The following CXXC4 variants were observed in gnomAD, a reference collection of about 807,000 sequenced individuals.
The protein encoded by CXXC4 is CXXC-type zinc finger protein 4.
A neutral mutation model predicts 20.5 loss-of-function variants in CXXC4; 5 were observed. The ratio of observed to expected loss-of-function variants is 0.24; its 90% CI spans 0.13 to 0.51. The LOEUF (loss-of-function observed/expected upper bound fraction) is 0.51. Ranked by LOEUF, CXXC4 falls within the 20% of genes least tolerant of loss-of-function variation. The pLI is 0.97. For synonymous variants in CXXC4, 250 were observed against 216.4 expected (o/e 1.16, Z -1.36); for missense variants, 419 against 496.4 (o/e 0.84, Z 1.48).
chr4:104,477,011 AGT>A (rs1231437393), intron 2 of CXXC4, among the ~76,000 whole-genome samples: 3 of 152,146 alleles, frequency 2.0e-5, no homozygotes, highest in Non-Finnish European at 4.4e-5. Flanking sequence ...TCCCACTGTA[AGT>A]TTCTTAGACT....
At chr4:104,488,448 A>C (rs1736750301) in intron 2 of CXXC4, among the ~76,000 whole-genome samples, 1 of 152,138 alleles carries the variant, frequency 6.6e-6, no homozygotes, top group Admixed American at 6.5e-5. Flanking sequence ...TCTAGATAGG[A>C]TCTTATACAA....
intron 2 of CXXC4, among the ~76,000 whole-genome samples, chr4:104,478,339 G>C (rs1736469060): frequency 6.6e-6 from 1 of 152,070 alleles, no homozygotes; most frequent in African/African-American, 2.4e-5. Flanking sequence ...ATGTTGTAAA[G>C]GCACTAAGTC....
At position 104,469,775 on chromosome 4, in the gene CXXC4, A is replaced by T. The variant is rs1736215646; in HGVS notation, c.*2547T>A. 1 of 152,036 alleles carries T rather than the reference A, an allele frequency of 6.6e-6. No individual in the cohort carries two copies. The highest frequency in any genetic ancestry group is 2.4e-5 in the African/African-American group (1 of 41,436). 9.4% of individuals were successfully genotyped at this position (152,036 alleles called of 1,614,324 possible). ...GGTATAAAAGAACAATATCAAGAATAAAAAACATAAGAGAATTAATGAAAA... is the reference window on the plus strand; with the variant it reads ...GGTATAAAAGAACAATATCAAGAATTAAAAACATAAGAGAATTAATGAAAA... On this transcript the variant is annotated 3_prime_UTR_variant, in exon 3 of 3. Transcript: ENST00000394767.
At chr4:104,492,220 C>T (rs1235236894) in intron 1 of CXXC4, among the ~76,000 whole-genome samples, 161 bp from the exon 2 acceptor site, 1 of 133,592 alleles carries the variant, frequency 7.5e-6, no homozygotes, top group Non-Finnish European at 1.6e-5. Flanking sequence ...AGCCCATCCC[C>T]CCCAACTCTC....
chr4:104,480,417 T>C (rs1292006880), intron 2 of CXXC4, among the ~76,000 whole-genome samples: 1 of 152,192 alleles, frequency 6.6e-6, no homozygotes, highest in Non-Finnish European at 1.5e-5. Flanking sequence ...TGACATTTTG[T>C]ACCATCAGTT....
At chr4:104,473,525 C>T (rs771608066) in intron 2 of CXXC4, among the ~76,000 whole-genome samples, 3 of 151,768 alleles carry the variant, frequency 2.0e-5, no homozygotes, top group Non-Finnish European at 4.4e-5. Flanking sequence ...AAAATGTATT[C>T]TAATGATATA....
At position 104,491,422 on chromosome 4, in the gene CXXC4, CCCGCCTCCGCCGCCG is replaced by C. The variant is rs1358111429; in HGVS notation, c.366_380del (p.Gly130_Gly134del). On this transcript the variant is annotated inframe_deletion, in exon 2 of 3. Coordinates refer to ENST00000394767, the MANE Select transcript of CXXC4 (RefSeq NM_025212.4). ...TCCTGCCGCCCCCACCACCCCCGCC[CCCGCCTCCGCCGCCG>C]CCGCCGCCGCCGCCACCCCCCCCGC... 2.0e-6 allele frequency: 2 copies of C among 982,246 alleles called. No homozygotes were observed. The highest frequency in any genetic ancestry group is 2.6e-6 in the Non-Finnish European group (2 of 776,314). 60.8% of individuals were successfully genotyped at this position (982,246 alleles called of 1,614,324 possible).
rs1251304476 is a variant in CXXC4 at position 104,470,798 on chromosome 4, T to G, written c.*1524A>C. 1 of 152,040 alleles carries G rather than the reference T, an allele frequency of 6.6e-6. No individual in the cohort carries two copies. The highest frequency in any genetic ancestry group is 1.5e-5 in the Non-Finnish European group (1 of 67,982). 9.4% of individuals were successfully genotyped at this position (152,040 alleles called of 1,614,324 possible). A position where few individuals can be genotyped will look rare whatever the true frequency, so the allele number is the denominator to read the frequency against. On this transcript the variant is annotated 3_prime_UTR_variant, in exon 3 of 3. Coordinates refer to ENST00000394767, the MANE Select transcript of CXXC4 (RefSeq NM_025212.4). ...CTAAACCCTGTTCTACTCCTGAAAC[T>G]GAAAATAGTCTTTATAATTGGGACA...
rs1181641985 is a variant in CXXC4 at position 104,469,729 on chromosome 4, C to CA, written c.*2592dup. ...CTACATTATATAAATGGAGTTTAAC[C>CA]AAAAACATTAAAAAGTGGGTGGTAT... is the stretch of plus-strand genomic sequence containing the variant. On this transcript the variant is annotated 3_prime_UTR_variant, in exon 3 of 3. Transcript: ENST00000394767. The CA allele has an allele frequency of 6.6e-6, 1 of 151,408 alleles. No homozygotes were observed. Among genetic ancestry groups the CA allele is most frequent in the African/African-American group, 2.4e-5 (1 of 41,226 alleles). 9.4% of individuals were successfully genotyped at this position (151,408 alleles called of 1,614,324 possible).
chr4:104,494,803 G>C lies in CXXC4; in HGVS notation c.-360C>G, dbSNP rs1375127098. 6.6e-6 allele frequency: 1 copy of C among 150,752 alleles called. No homozygotes were observed. Among genetic ancestry groups the C allele is most frequent in the Non-Finnish European group, 1.5e-5 (1 of 67,700 alleles). The allele number at this position is 150,752 out of a possible 1,614,324, so 9.3% of individuals were successfully genotyped here. A position where few individuals can be genotyped will look rare whatever the true frequency, so the allele number is the denominator to read the frequency against. On this transcript the variant is annotated 5_prime_UTR_variant, in exon 1 of 3. Transcript: ENST00000394767. ...AGGTGGGGGGAGAGGAAAGAGTCGA[G>C]TGTGAGTGTATGTGTGAGAGCGCGG...
In CXXC4 at chr4:104,494,764, G is replaced by A. The variant is rs1182406678; in HGVS notation, c.-321C>T. The stretch of plus-strand genomic sequence containing the variant: ...GGAGGAGATGGTGTTAGTGGTGGGG[G>A]TGGAAGGAGGAGGAGGTGGGGGGAG... On this transcript the variant is annotated 5_prime_UTR_variant, in exon 1 of 3. Coordinates refer to ENST00000394767, the MANE Select transcript of CXXC4 (RefSeq NM_025212.4). The A allele has an allele frequency of 6.7e-6, 1 of 148,194 alleles. No homozygotes were observed. Among genetic ancestry groups the A allele is most frequent in the Non-Finnish European group, 1.5e-5 (1 of 66,944 alleles). 9.2% of individuals were successfully genotyped at this position (148,194 alleles called of 1,614,324 possible).
intron 2 of CXXC4, among the ~76,000 whole-genome samples, chr4:104,487,445 T>C (rs949570737): frequency 6.6e-6 from 1 of 152,144 alleles, no homozygotes; most frequent in Non-Finnish European, 1.5e-5. Flanking sequence ...CCATATCAGA[T>C]TGGGATATTT....
At position 104,491,118 on chromosome 4, in the gene CXXC4, G is replaced by A. The variant is rs772703000; in HGVS notation, c.685C>T (p.Leu229Phe). ...GAAAAAGTCCCCACGCGCTCGGGGA[G>A]ATTCATTATCTCTGCTTCAGCAGCG... Reference protein sequence around the residue: ...CGAAEAEIMNLPERVGTFSAI... With the variant: ...CGAAEAEIMNFPERVGTFSAI... The change falls in exon 2 of 3, where the codon CTC (leucine) becomes TTC (phenylalanine). Residue 229 changes from leucine to phenylalanine, a missense_variant. Leu to Phe is a conservative substitution (Grantham distance 22). Around this residue, in one of 3 missense-constraint regions of CXXC4, gnomAD observed 388 missense variants for 416.0 expected, o/e 0.93. Transcript: ENST00000394767. 2 of 1,614,130 alleles carry A rather than the reference G, an allele frequency of 1.2e-6. No homozygotes were observed. Among genetic ancestry groups the A allele is most frequent in the Non-Finnish European group, 1.7e-6 (2 of 1,180,022 alleles).
At chr4:104,474,203 T>C (rs868635088) in intron 2 of CXXC4, among the ~76,000 whole-genome samples, 16 of 151,960 alleles carry the variant, frequency 1.1e-4, no homozygotes, top group Admixed American at 5.9e-4. Context: ...ACTATTCTCA[T>C]GGAAATTGTA....
At chr4:104,479,727 C>T (rs1736504994) in intron 2 of CXXC4, among the ~76,000 whole-genome samples, 1 of 151,070 alleles carries the variant, frequency 6.6e-6, no homozygotes, top group South Asian at 2.1e-4. Context: ...GTCCCTCCCT[C>T]TCTCCCTCCT....
rs1736841098 is a variant in CXXC4 at position 104,491,189 on chromosome 4, T to C, written c.614A>G (p.His205Arg). 6.2e-7 allele frequency: 1 copy of C among 1,613,722 alleles called. No homozygotes were observed. Among genetic ancestry groups the C allele is most frequent in the Non-Finnish European group, 8.5e-7 (1 of 1,179,946 alleles). The stretch of plus-strand genomic sequence containing the variant: ...GCATTCCCCCGCCAAAGGTCTGCAG[T>C]GTTCAGGGGATAAGGTGGAGAGGAA... ...TNFLSTLSPE[H>R]CRPLAGECMN... The change falls in exon 2 of 3, where the codon CAC becomes CGC. Residue 205 changes from histidine to arginine, a missense_variant. Transcript: ENST00000394767.
At chr4:104,484,775 C>A (rs115297847) in intron 2 of CXXC4, among the ~76,000 whole-genome samples, 1 of 151,898 alleles carries the variant, frequency 6.6e-6, no homozygotes, top group Admixed American at 6.6e-5. Flanking sequence ...AAATGGCTGT[C>A]GCATCTGAAG....
rs1424512215 is a variant in CXXC4 at position 104,491,724 on chromosome 4, C to T, written c.79G>A (p.Gly27Arg). 26 of 1,544,450 alleles carry T rather than the reference C, an allele frequency of 1.7e-5. No individual in the cohort carries two copies. In the South Asian group the frequency reaches 2.9e-4, roughly 17 times the overall value. ...GLPKESHLPE[G>R]ALNSLVDYNS... is the part of the protein sequence containing the mutation. ...TAATCCACAAGGCTGTTCAGAGCCC[C>T]CTCGGGCAAGTGGCTTTCCTTGGGC... Residue 27 changes from glycine to arginine, a missense_variant, in exon 2 of 3, where the codon GGG becomes AGG. Transcript: ENST00000394767.
Position 104,490,885 on chromosome 4 carries a change from T to C in CXXC4, c.918A>G (p.Lys306=). Residue 306 remains lysine, a synonymous_variant, in exon 2 of 3, where the codon AAA becomes AAG. Coordinates refer to ENST00000394767, the MANE Select transcript of CXXC4 (RefSeq NM_025212.4). ...TGCAGGGCACGCAGACCCCACACCT[T>C]TTCCTCTTCTTCTTGGCTGGGTTGG... ...GGANPAKKKR[K]RCGVCVPCKR... The C allele has an allele frequency of 3.7e-6, 6 of 1,614,144 alleles. No homozygotes were observed. Among genetic ancestry groups the C allele is most frequent in the Non-Finnish European group, 4.2e-6 (5 of 1,180,010 alleles).
Sources: gnomAD v4.1 joint callset for allele counts (sites outside exome capture counted in the v4.1 genomes callset) on GRCh38, gnomAD v4.1.1 for gene constraint, gnomAD v4.1.1 regional missense constraint, MANE v1.5 for transcripts, NCBI Gene and HGNC (gene_info 2026-07-23, HGNC 2026-07-21) for gene names.